Variants in DAB1 observed in about 807,000 individuals in gnomAD.
DAB1 encodes DAB adaptor protein 1, also known as disabled homolog 1.
In DAB1, 15 loss-of-function variants were observed where a neutral mutation model predicts 64.6. That is an observed-to-expected ratio of 0.23 (90% CI 0.16 to 0.36). The LOEUF is 0.36. Among genes scored for constraint, DAB1 ranks in the 10% least tolerant of loss-of-function variants. The pLI, the probability that DAB1 is intolerant of heterozygous loss-of-function variation, is 1.00. For synonymous variants in DAB1, 235 were observed against 251.9 expected (o/e 0.93, Z 0.64); for missense variants, 596 against 706.7 (o/e 0.84, Z 1.78).
chr1:58,067,960 G>A (rs11207165), intron 5 of DAB1, among the ~76,000 whole-genome samples: 31,498 of 152,150 alleles, frequency 0.21, 3,711 homozygotes, highest in East Asian at 0.31. Context: ...ATATACTATT[G>A]TCACAAACAG....
At chr1:57,083,483 A>AAATGAG (rs1652757437) in intron 4 of DAB1, among the ~76,000 whole-genome samples, 2 of 152,036 alleles carry the variant, frequency 1.3e-5, no homozygotes, top group Non-Finnish European at 2.9e-5. Flanking sequence ...AGGTAAATGA[A>AAATGAG]TGCGCTTGAA....
chr1:58,193,622 G>A (rs912510749), intron 4 of DAB1, among the ~76,000 whole-genome samples: 2 of 152,272 alleles, frequency 1.3e-5, no homozygotes, highest in Non-Finnish European at 1.5e-5. Context: ...TTGGGAGGTC[G>A]AGGCGGGTGG....
chr1:58,015,376 C>T (rs557454573), intron 5 of DAB1, among the ~76,000 whole-genome samples: 4 of 152,222 alleles, frequency 2.6e-5, no homozygotes, highest in African/African-American at 9.6e-5. Context: ...CATGTTGTCC[C>T]CCTCCCCCTA....
intron 1 of DAB1, among the ~76,000 whole-genome samples, chr1:57,344,920 G>A (rs1677956377): frequency 6.6e-6 from 1 of 152,126 alleles, no homozygotes; most frequent in African/African-American, 2.4e-5. Context: ...TTGGCTTGGT[G>A]CCTCCAAATA....
intron 1 of DAB1, chr1:58,536,719 C>T: frequency 1.1e-6 from 1 of 872,572 alleles, no homozygotes. Context: ...GGAGGAAGTG[C>T]CTGCCACCAT....
At chr1:57,622,239 G>C (rs754950101) in intron 7 of DAB1, among the ~76,000 whole-genome samples, 1 of 152,104 alleles carries the variant, frequency 6.6e-6, no homozygotes, top group Admixed American at 6.6e-5. Context: ...CTCTTACTTC[G>C]GGTTTGGAAT....
intron 4 of DAB1, among the ~76,000 whole-genome samples, chr1:58,161,084 G>A (rs1459791880): frequency 6.6e-6 from 1 of 151,446 alleles, no homozygotes; most frequent in Non-Finnish European, 1.5e-5. Context: ...AGGAAGATGG[G>A]ACACAAGTAG....
intron 2 of DAB1, among the ~76,000 whole-genome samples, chr1:57,242,990 TTAG>T (rs1469649172): frequency 6.6e-6 from 1 of 152,202 alleles, no homozygotes; most frequent in African/African-American, 2.4e-5. Flanking sequence ...ATTTGCATAC[TTAG>T]TAGATACTCA....
At chr1:58,410,308 C>A (rs957516278) in intron 3 of DAB1, among the ~76,000 whole-genome samples, 1 of 152,140 alleles carries the variant, frequency 6.6e-6, no homozygotes, top group Non-Finnish European at 1.5e-5. Flanking sequence ...CTTCAGATAA[C>A]AATTTTATAG....
chr1:58,475,510 C>G (rs771675423), intron 3 of DAB1, among the ~76,000 whole-genome samples: 2 of 145,126 alleles, frequency 1.4e-5, no homozygotes, highest in Admixed American at 6.9e-5. Flanking sequence ...ACACACGAAT[C>G]AGACTAAAAC....
chr1:57,358,243 C>A (rs12565446), intron 1 of DAB1, among the ~76,000 whole-genome samples: 75,822 of 151,862 alleles, frequency 0.5, 19,648 homozygotes, highest in African/African-American at 0.55. Context: ...TGGGGAAACA[C>A]TTTCAACTTT....
intron 4 of DAB1, among the ~76,000 whole-genome samples, chr1:57,077,086 G>A (rs369321266): frequency 7.9e-5 from 12 of 152,274 alleles, no homozygotes; most frequent in Admixed American, 1.3e-4. Flanking sequence ...AGGAATGGGC[G>A]AAGGGCATCA....
At chr1:58,099,292 G>A (rs1570350945) in intron 5 of DAB1, among the ~76,000 whole-genome samples, 1 of 152,140 alleles carries the variant, frequency 6.6e-6, no homozygotes, top group South Asian at 2.1e-4. Flanking sequence ...ATGGTTAGGG[G>A]CTTATCCTGC....
chr1:57,581,740 T>C (rs1453920325), intron 7 of DAB1, among the ~76,000 whole-genome samples: 1 of 148,998 alleles, frequency 6.7e-6, no homozygotes, highest in Non-Finnish European at 1.5e-5. Context: ...ATATATTATA[T>C]GTGTTAGATT....
intron 1 of DAB1, among the ~76,000 whole-genome samples, chr1:57,330,155 C>T (rs535165155): frequency 6.6e-6 from 1 of 152,296 alleles, no homozygotes; most frequent in Admixed American, 6.5e-5. Flanking sequence ...ACCTGGACAG[C>T]TGCACTCCAG....
At chr1:57,917,826 C>T (rs1644749730) in intron 5 of DAB1, among the ~76,000 whole-genome samples, 1 of 152,134 alleles carries the variant, frequency 6.6e-6, no homozygotes, top group South Asian at 2.1e-4. Flanking sequence ...CACATTGATG[C>T]TACTTCATTT....
intron 4 of DAB1, among the ~76,000 whole-genome samples, chr1:58,306,366 T>C (rs2100468243): frequency 6.6e-6 from 1 of 152,318 alleles, no homozygotes; most frequent in Non-Finnish European, 1.5e-5. Context: ...ATATCTGACA[T>C]TTAACAGTAT....
intron 6 of DAB1, among the ~76,000 whole-genome samples, chr1:57,721,268 C>T (rs780422933): frequency 1.4e-4 from 21 of 152,104 alleles, no homozygotes; most frequent in Non-Finnish European, 3.1e-4. Flanking sequence ...ACCAGTGATA[C>T]GGTTGCCTGC....
chr1:57,771,246 T>C (rs187360621), intron 6 of DAB1, among the ~76,000 whole-genome samples: 1 of 152,182 alleles, frequency 6.6e-6, no homozygotes, highest in East Asian at 1.9e-4. Flanking sequence ...TATACCACAA[T>C]CAAGTTTATA....
Sources: allele counts gnomAD v4.1 joint callset (sites outside exome capture counted in the v4.1 genomes callset), GRCh38; gene constraint gnomAD v4.1.1; transcripts MANE v1.5; gene names NCBI Gene and HGNC (gene_info 2026-07-23, HGNC 2026-07-21).